Variants in MYO1C observed in about 807,000 individuals in gnomAD.
The protein encoded by MYO1C is unconventional myosin-Ic.
A neutral mutation model predicts 150.8 loss-of-function variants in MYO1C; 104 were observed. The observed-to-expected ratio is 0.69, with a 90% CI of 0.59 to 0.81. The LOEUF is 0.81. Among genes scored for constraint, MYO1C ranks in the 30% least tolerant of loss-of-function variants. The pLI is 0.00. For synonymous variants in MYO1C, 663 were observed against 579.9 expected (o/e 1.14, Z -2.06); for missense variants, 1,504 against 1,435.0 (o/e 1.05, Z -0.78).
In MYO1C at chr17:1,480,896, G is replaced by T. The variant is rs1355684093; in HGVS notation, c.628-11C>A. The T allele has an allele frequency of 1.2e-6, 2 of 1,613,492 alleles. No homozygotes were observed. The highest frequency in any genetic ancestry group is 4.5e-5 in the East Asian group (2 of 44,880). ...ACCCACGGGGGCACCCTGTGGGCAGGGCAGGGCATGAGGCCGGGTCACGGG... is the reference window on the plus strand; with the variant it reads ...ACCCACGGGGGCACCCTGTGGGCAGTGCAGGGCATGAGGCCGGGTCACGGG... On this transcript the variant is annotated splice_polypyrimidine_tract_variant and intron_variant, in intron 5 of 31. Transcript: ENST00000648651.
chr17:1,485,633 G>T, intron 1 of MYO1C: 1 of 1,157,358 alleles, frequency 8.6e-7, no homozygotes, highest in Non-Finnish European at 1.1e-6. Flanking sequence ...CCGAGGCGAC[G>T]CCGCGAGGTG....
chr17:1,482,385 C>T (rs1192503417), intron 5 of MYO1C, 93 bp downstream of exon 5: 2 of 1,145,202 alleles, frequency 1.7e-6, no homozygotes, highest in Admixed American at 1.7e-5. Context: ...GCTGGAATTG[C>T]AGCACCTGGA....
At chr17:1,472,274 G>A in intron 17 of MYO1C, 46 bp from the exon 18 acceptor site, 1 of 1,553,958 alleles carries the variant, frequency 6.4e-7, no homozygotes, top group Middle Eastern at 1.8e-4. Flanking sequence ...CTGGGCTAAA[G>A]CTGCTGACCC....
intron 1 of MYO1C, chr17:1,485,085 G>GA (rs747993474): frequency 3.0e-5 from 37 of 1,243,826 alleles, no homozygotes; most frequent in Non-Finnish European, 3.5e-5. Context: ...CTCCTCCACT[G>GA]AGAGTCCTGA....
At position 1,466,738 on chromosome 17, in the gene MYO1C, G is replaced by A. The variant is rs145120581; in HGVS notation, c.3165+504C>T. Among the ~76,000 whole-genome samples the A allele has an allele frequency of 9.7e-4, 146 of 150,344 alleles. 2 individuals carry two copies. In the Middle Eastern group the frequency reaches 0.01, roughly 11 times the overall value. On this transcript the variant is annotated intron_variant, in intron 31 of 31. Transcript: ENST00000648651. ...CCTCCTGGGTTCAAGCAATTCTCCC[G>A]CCTCAGCCCCCACTAGTAGCTGGTA...
chr17:1,470,036 A>AAT lies in MYO1C; in HGVS notation c.2526+138_2526+139insAT. 9.7e-6 allele frequency: 9 copies of AAT among 923,344 alleles called. No homozygotes were observed. In the African/African-American group the frequency reaches 1.5e-4, roughly 16 times the overall value. The allele number at this position is 923,344 out of a possible 1,614,324, so 57.2% of individuals were successfully genotyped here. A position where few individuals can be genotyped will look rare whatever the true frequency, so the allele number is the denominator to read the frequency against. ...TGTGAGACTCCATCTCAAAAAAAAA[A>AAT]GAGACCTTACTTTTCACTGCTCAGC... On this transcript the variant is annotated intron_variant, in intron 24 of 31. Transcript: ENST00000648651.
intron 25 of MYO1C, chr17:1,468,760 A>C: frequency 3.7e-6 from 2 of 544,124 alleles, no homozygotes; most frequent in East Asian, 6.4e-5. Context: ...TCCCCACCCC[A>C]TCAGGCCCTG....
chr17:1,470,038 A>T, intron 24 of MYO1C, 137 bp downstream of exon 24: 1 of 915,126 alleles, frequency 1.1e-6, no homozygotes, highest in Non-Finnish European at 1.6e-6. Flanking sequence ...AAAAAAAAAG[A>T]GACCTTACTT....
intron 17 of MYO1C, 27 bp downstream of exon 17, chr17:1,474,583 C>G: frequency 6.2e-7 from 1 of 1,608,406 alleles, no homozygotes; most frequent in Non-Finnish European, 8.5e-7. Context: ...GCATGCACCC[C>G]TGCGCCCGGT....
intron 17 of MYO1C, 26 bp downstream of exon 17, chr17:1,474,584 T>G (rs2286871): frequency 1.9e-6 from 3 of 1,612,070 alleles, no homozygotes; most frequent in Non-Finnish European, 2.5e-6. Context: ...CATGCACCCC[T>G]GCGCCCGGTC....
chr17:1,486,402 C>T (rs1395887231), intron 1 of MYO1C, among the ~76,000 whole-genome samples: 1 of 152,152 alleles, frequency 6.6e-6, no homozygotes, highest in Non-Finnish European at 1.5e-5. Context: ...GGGCTCAGTT[C>T]CCCCTCTGGG....
At chr17:1,484,458 T>G (rs567356578) in intron 1 of MYO1C, 155 bp from the exon 2 acceptor site, 85 of 458,904 alleles carry the variant, frequency 1.9e-4, no homozygotes, top group Admixed American at 1.0e-3. Context: ...GCCTGGGTGC[T>G]GAGGGCCTGG....
chr17:1,474,209 C>T (rs1193969344), intron 17 of MYO1C, among the ~76,000 whole-genome samples: 1 of 151,974 alleles, frequency 6.6e-6, no homozygotes, highest in South Asian at 2.1e-4. Flanking sequence ...GGTGGATCAC[C>T]CGAGGTCAGG....
rs199814929 is a variant in MYO1C, at chr17:1,482,972, G to A, written c.435C>T (p.Gly145=). 9 of 1,612,348 alleles carry A rather than the reference G, an allele frequency of 5.6e-6. No homozygotes were observed. The East Asian group carries it at 2.0e-4, about 36-fold the overall frequency. Residue 145 remains glycine (G), a synonymous_variant, in exon 4 of 32, where the codon GGC becomes GGT. Coordinates refer to ENST00000648651, the MANE Select transcript of MYO1C (RefSeq NM_001080779.2). ...GCAGCCTCTTGGTGGCCTCGGTCTT[G>A]CCTGCCCCGCTCTCCCCAGAGATCA... is the stretch of plus-strand genomic sequence containing the variant. The part of the protein sequence containing the change: ...AVMISGESGA[G]KTEATKRLLQ...
rs748587990 is a variant in MYO1C, at chr17:1,470,614, C to G, written c.2281+7G>C. 6.2e-7 allele frequency: 1 copy of G among 1,611,386 alleles called. No homozygotes were observed. The highest frequency in any genetic ancestry group is 1.1e-5 in the South Asian group (1 of 90,670). On this transcript the variant is annotated splice_region_variant and intron_variant, in intron 22 of 31. Transcript: ENST00000648651. ...CGCCCCTCCTGAACACCCATGGGCC[C>G]GCGAACCTGATCTCTTCACCCGGAG...
In MYO1C at chr17:1,484,092, C is replaced by T. The variant is rs561300236; in HGVS notation, c.231+56G>A. 1.3e-5 allele frequency: 21 copies of T among 1,604,578 alleles called. 1 individual carries two copies. In the South Asian group the frequency reaches 1.5e-4, roughly 12 times the overall value. ...TGACCCTTGGTGTCTCTTTCCCCTC[C>T]GCTTGCCTGTGTCTGTGACCCCAGC... is the stretch of plus-strand genomic sequence containing the variant. On this transcript the variant is annotated intron_variant, in intron 2 of 31. Coordinates refer to ENST00000648651, the MANE Select transcript of MYO1C (RefSeq NM_001080779.2).
chr17:1,478,302 TC>T lies in MYO1C; in HGVS notation c.1295+107del, dbSNP rs953192311. On this transcript the variant is annotated intron_variant, in intron 11 of 31. Coordinates refer to ENST00000648651, the MANE Select transcript of MYO1C (RefSeq NM_001080779.2). This position sits in a 1 kb window ranked among gnomAD's most constrained non-coding sequence, Gnocchi z 6.3. ...CAGGAGGTGAGAAACACAGAGACAG[TC>T]CCCGGCTGGCTGGGGAGTCACAGGG... 354 of 1,557,770 alleles carry T rather than the reference TC, an allele frequency of 2.3e-4. No individual in the cohort carries two copies. Among genetic ancestry groups the T allele is most frequent in the Non-Finnish European group, 3.1e-4 (348 of 1,129,856 alleles).
chr17:1,475,054 C>T (rs750684257), intron 14 of MYO1C, 22 bp from the exon 15 acceptor site: 1 of 1,549,360 alleles, frequency 6.5e-7, no homozygotes, highest in Non-Finnish European at 8.7e-7. Flanking sequence ...AGGGAGGAAG[C>T]TGCAGATGGC....
intron 1 of MYO1C, chr17:1,491,047 A>G (rs1439050766): frequency 2.0e-5 from 3 of 152,264 alleles, no homozygotes; most frequent in African/African-American, 7.2e-5. Flanking sequence ...AGTCCCTCCC[A>G]GGAGACGGCT....
Sources: allele counts gnomAD v4.1 joint callset (sites outside exome capture counted in the v4.1 genomes callset), GRCh38; gene constraint gnomAD v4.1.1; non-coding constraint Gnocchi (gnomAD v3.1); transcripts MANE v1.5; gene names NCBI Gene and HGNC (gene_info 2026-07-23, HGNC 2026-07-21).